SBF1: variants seen among roughly 807,000 people sequenced by gnomAD.
SBF1 encodes the protein SET binding factor 1, also known as myotubularin-related protein 5.
SBF1 carries 65 observed loss-of-function variants against 215.8 expected under a neutral mutation model. The ratio of observed to expected loss-of-function variants is 0.30; its 90% CI spans 0.25 to 0.37. The LOEUF (loss-of-function observed/expected upper bound fraction) is 0.37. Among genes scored for constraint, SBF1 ranks in the 10% least tolerant of loss-of-function variants. The probability of loss-of-function intolerance (pLI) is 1.00; values close to 1 mark genes in which losing one functional copy is unlikely to be tolerated. For synonymous variants in SBF1, 1,410 were observed against 1,122.8 expected (o/e 1.26, Z -5.11); for missense variants, 2,634 against 2,667.8 (o/e 0.99, Z 0.28).
intron 1 of SBF1, among the ~76,000 whole-genome samples, chr22:50,473,328 C>T (rs1295147693): frequency 1.3e-5 from 2 of 152,190 alleles, no homozygotes; most frequent in African/African-American, 2.4e-5. Context: ...TCCTCAGGCA[C>T]CCTCTGCCCC....
Position 50,457,036 on chromosome 22 carries a change from CG to C in SBF1, c.3901del (p.Arg1301GlufsTer24), listed in dbSNP as rs1241011456. On this transcript the variant is annotated frameshift_variant, in exon 29 of 41. Transcript: ENST00000380817. LOFTEE classifies it high-confidence loss of function. Reference protein sequence around the residue: ...AASASRRTAPRGKWGSVRTSG... With the variant: ...AASASRRTAPXGKWGSVRTSG... ...CCTGCGCAGGCTCGGTACGGTACCT[CG>C]GGGTGCGGTCCGTCTGGAGGCCGAG... 1 of 1,433,092 alleles carries C rather than the reference CG, an allele frequency of 7.0e-7. No homozygotes were observed. The highest frequency in any genetic ancestry group is 2.9e-5 in the East Asian group (1 of 34,760). 88.8% of individuals were successfully genotyped at this position (1,433,092 alleles called of 1,614,324 possible).
chr22:50,468,399 G>A lies in SBF1; in HGVS notation c.118C>T (p.Pro40Ser). 6.2e-7 allele frequency: 1 copy of A among 1,613,166 alleles called. No homozygotes were observed. Among genetic ancestry groups the A allele is most frequent in the Non-Finnish European group, 8.5e-7 (1 of 1,179,546 alleles). ...RFPEKDWEDNPFPQGIELFCQ... is the reference protein window; with the variant it reads ...RFPEKDWEDNSFPQGIELFCQ... ...ACCAGCTCGATGCCCTGGGGGAATGGGTTGTCCTCCCAGTCCTTCTCTGGG... is the reference window on the plus strand; with the variant it reads ...ACCAGCTCGATGCCCTGGGGGAATGAGTTGTCCTCCCAGTCCTTCTCTGGG... Residue 40 changes from proline (P) to serine (S), a missense_variant, in exon 2 of 41, where the codon CCA (proline) becomes TCA (serine). Coordinates refer to ENST00000380817, the MANE Select transcript of SBF1 (RefSeq NM_002972.4).
chr22:50,465,308 G>C lies in SBF1; in HGVS notation c.1110C>G (p.Val370=). 6.3e-7 allele frequency: 1 copy of C among 1,599,146 alleles called. No homozygotes were observed. Among genetic ancestry groups the C allele is most frequent in the South Asian group, 1.1e-5 (1 of 88,868 alleles). Residue 370 remains valine (V), a synonymous_variant, in exon 11 of 41, where the codon GTC becomes GTG. Coordinates refer to ENST00000380817, the MANE Select transcript of SBF1 (RefSeq NM_002972.4). Reference sequence around the variant, plus strand: ...GCAGCTGAGCGAACAGCCGCAGGAAGACCGCGCGCAGCTCCTTGTCCTGGG... The same window carrying C: ...GCAGCTGAGCGAACAGCCGCAGGAACACCGCGCGCAGCTCCTTGTCCTGGG... ...LKMQDKELRA[V]FLRLFAQLLQ...
chr22:50,448,728 AG>A, intron 36 of SBF1, 78 bp from the exon 37 acceptor site: 2 of 1,198,404 alleles, frequency 1.7e-6, no homozygotes, highest in South Asian at 1.3e-5. Flanking sequence ...AGGAAAACAC[AG>A]GAAAGAGACA....
intron 38 of SBF1, among the ~76,000 whole-genome samples, chr22:50,447,955 T>C (rs567093648): frequency 6.6e-6 from 1 of 152,250 alleles, no homozygotes; most frequent in South Asian, 2.1e-4. Flanking sequence ...GGCAGGTAGA[T>C]CTGTAGAAGC....
At chr22:50,456,976 C>T in intron 29 of SBF1, 58 bp downstream of exon 29, 3 of 1,331,050 alleles carry the variant, frequency 2.3e-6, no homozygotes, top group Non-Finnish European at 2.9e-6. Context: ...TCAGTGCACA[C>T]TAGAGGCCGC....
rs1181104039 is a variant in SBF1, at chr22:50,466,717, C to CA, written c.550-8dup. 3.3e-6 allele frequency: 5 copies of CA among 1,510,710 alleles called. No homozygotes were observed. The highest frequency in any genetic ancestry group is 8.9e-7 in the Non-Finnish European group (1 of 1,124,038). 93.6% of individuals were successfully genotyped at this position (1,510,710 alleles called of 1,614,324 possible). A position where few individuals can be genotyped will look rare whatever the true frequency, so the allele number is the denominator to read the frequency against. On this transcript the variant is annotated splice_region_variant and splice_polypyrimidine_tract_variant and intron_variant, in intron 5 of 40. Transcript: ENST00000380817. ...CCCCCAAAGAGATCGTCCTCTGCAG[C>CA]AAAAAAAGGATCGGGGCTCAGTAGT...
At chr22:50,460,742 G>A (rs764354529) in intron 23 of SBF1, 30 bp from the exon 24 acceptor site, 13 of 1,598,478 alleles carry the variant, frequency 8.1e-6, no homozygotes, top group Admixed American at 5.0e-5. Flanking sequence ...CCTTAGGGGT[G>A]TGGGTGGCCC....
At position 50,454,983 on chromosome 22, in the gene SBF1, C is replaced by T. The variant is rs779304547; in HGVS notation, c.4681+33G>A. On this transcript the variant is annotated intron_variant, in intron 34 of 40. Coordinates refer to ENST00000380817, the MANE Select transcript of SBF1 (RefSeq NM_002972.4). ...GCACTGAGCCTGGGCCCCTCCTGACCCGTGGCTGCCCCAGCCCCGACTCCC... is the reference window on the plus strand; with the variant it reads ...GCACTGAGCCTGGGCCCCTCCTGACTCGTGGCTGCCCCAGCCCCGACTCCC... 1.5e-5 allele frequency: 25 copies of T among 1,613,906 alleles called. No homozygotes were observed. In the South Asian group the frequency reaches 2.6e-4, roughly 17 times the overall value.
intron 31 of SBF1, 98 bp downstream of exon 31, chr22:50,456,116 CCA>C: frequency 2.3e-6 from 3 of 1,298,222 alleles, no homozygotes; most frequent in Non-Finnish European, 3.1e-6. Flanking sequence ...TTCCAGCGCT[CCA>C]CACTGTCAGA....
intron 28 of SBF1, chr22:50,457,403 C>T (rs1197008710): frequency 5.4e-6 from 2 of 368,190 alleles, no homozygotes; most frequent in East Asian, 8.4e-5. Context: ...CAGCTTAGAG[C>T]AAGTCTGTCT....
intron 31 of SBF1, 121 bp from the exon 32 acceptor site, chr22:50,455,703 C>A: frequency 1.3e-6 from 1 of 797,186 alleles, no homozygotes; most frequent in Non-Finnish European, 2.1e-6. Flanking sequence ...CACAGCCCCC[C>A]AAGCCCTGTA....
chr22:50,457,291 T>C (rs532134945), intron 28 of SBF1, 180 bp from the exon 29 acceptor site: 5 of 487,788 alleles, frequency 1.0e-5, no homozygotes, highest in African/African-American at 6.1e-5. Context: ...TGGGCCTCTC[T>C]GCCAGGGCAG....
intron 12 of SBF1, 33 bp downstream of exon 12, chr22:50,464,968 G>A (rs1417477593): frequency 1.7e-5 from 28 of 1,613,748 alleles, no homozygotes; most frequent in Non-Finnish European, 2.4e-5. Flanking sequence ...CGGAGCCAGG[G>A]CAGGGGGCTG....
intron 1 of SBF1, among the ~76,000 whole-genome samples, chr22:50,471,318 GC>G (rs1237021654): frequency 6.6e-6 from 1 of 152,232 alleles, no homozygotes; most frequent in African/African-American, 2.4e-5. Context: ...CACGCAGACG[GC>G]AGGCCTGAAA....
chr22:50,472,559 T>A (rs762455550), intron 1 of SBF1, among the ~76,000 whole-genome samples: 1 of 152,208 alleles, frequency 6.6e-6, no homozygotes, highest in East Asian at 1.9e-4. Context: ...TGTGTGCTAC[T>A]GCTTCACACC....
chr22:50,454,438 C>A (rs1259607426), intron 36 of SBF1, 74 bp downstream of exon 36: 3 of 1,313,958 alleles, frequency 2.3e-6, no homozygotes, highest in Non-Finnish European at 3.2e-6. Flanking sequence ...AGTGTACACA[C>A]ACACGCACGA....
Position 50,451,614 on chromosome 22 carries a change from G to A in SBF1, c.5043+2898C>T, listed in dbSNP as rs78709184. Among the ~76,000 whole-genome samples the A allele has an allele frequency of 1.5e-3, 224 of 152,188 alleles. 1 individual carries two copies. The East Asian group carries it at 0.017, about 12-fold the overall frequency. Reference sequence around the variant, plus strand: ...AAATGATCATCCCACAGACCCAGAAGTTTAAAGAGCCCCAAGCAGGACGAA... The same window carrying A: ...AAATGATCATCCCACAGACCCAGAAATTTAAAGAGCCCCAAGCAGGACGAA... On this transcript the variant is annotated intron_variant, in intron 36 of 40. Coordinates refer to ENST00000380817, the MANE Select transcript of SBF1 (RefSeq NM_002972.4).
chr22:50,447,566 G>T lies in SBF1; in HGVS notation c.5407C>A (p.Pro1803Thr). The T allele has an allele frequency of 4.3e-6, 7 of 1,613,086 alleles. No homozygotes were observed. Among genetic ancestry groups the T allele is most frequent in the Non-Finnish European group, 5.9e-6 (7 of 1,179,776 alleles). ...AGCACGAACCAGCGGGCCTTCCAAG[G>T]CTTCATGAAGGCCCCCTTCTTGTAC... ...TLYKKGAFMKPWKARWFVLDK... is the reference protein window; with the variant it reads ...TLYKKGAFMKTWKARWFVLDK... The change falls in exon 39 of 41, where the codon CCT (proline) becomes ACT (threonine). Residue 1803 changes from proline (P) to threonine (T), a missense_variant. By Grantham distance (38) the Pro-to-Thr change is conservative. Transcript: ENST00000380817.
Sources: allele counts gnomAD v4.1 joint callset (sites outside exome capture counted in the v4.1 genomes callset), GRCh38; gene constraint gnomAD v4.1.1; transcripts MANE v1.5; gene names NCBI Gene and HGNC (gene_info 2026-07-23, HGNC 2026-07-21).